Variants in MDGA2 observed in about 807,000 individuals in gnomAD.
MDGA2 encodes the protein MAM domain-containing glycosylphosphatidylinositol anchor protein 2.
Under a neutral mutation model 117.8 loss-of-function variants are expected in MDGA2, and 40 were observed. The observed-to-expected ratio is 0.34, with a 90% confidence interval of 0.26 to 0.44. The LOEUF (loss-of-function observed/expected upper bound fraction) is 0.44. Among genes scored for constraint, MDGA2 ranks in the 20% least tolerant of loss-of-function variants. The pLI, the probability that MDGA2 is intolerant of heterozygous loss-of-function variation, is 1.00. For missense variants in MDGA2, 1,123 were observed against 1,250.6 expected, an observed-to-expected ratio of 0.90 and a Z score of 1.54; for synonymous variants, 452 against 439.0, an observed-to-expected ratio of 1.03 and a Z score of -0.37.
chr14:47,222,741 C>T lies in MDGA2; in HGVS notation c.421-4546G>A, dbSNP rs951289294. ...AAAAATTAGAGGTAGGACAGGCATG[C>T]TATTGAAACTTAGTTCAATACAGCT... On this transcript the variant is annotated intron_variant, in intron 2 of 16. Coordinates refer to ENST00000399232, the MANE Select transcript of MDGA2 (RefSeq NM_001113498.3). Among the ~76,000 whole-genome samples, 6 of 152,182 alleles carry T rather than the reference C, an allele frequency of 3.9e-5. No individual in the cohort carries two copies. The South Asian group carries it at 1.2e-3, about 32-fold the overall frequency.
intron 8 of MDGA2, among the ~76,000 whole-genome samples, chr14:47,018,764 T>TAAAAAAAAAA (rs1888177801): frequency 1.3e-4 from 6 of 47,498 alleles, no homozygotes; most frequent in Non-Finnish European, 2.1e-4. Flanking sequence ...AAAAAAAAAG[T>TAAAAAAAAAA]CTCCATTGAG....
At chr14:47,102,388 C>CAA (rs1880383025) in intron 5 of MDGA2, among the ~76,000 whole-genome samples, 2 of 142,092 alleles carry the variant, frequency 1.4e-5, no homozygotes, top group Non-Finnish European at 3.0e-5. Context: ...CACACACACA[C>CAA]ACACAAACAC....
intron 1 of MDGA2, among the ~76,000 whole-genome samples, chr14:47,442,859 G>C (rs2000028): frequency 6.6e-6 from 1 of 151,888 alleles, no homozygotes; most frequent in African/African-American, 2.4e-5. Flanking sequence ...ATGCTGTTTT[G>C]AGTAGCATGA....
chr14:47,057,716 C>T (rs1192552522), intron 7 of MDGA2, among the ~76,000 whole-genome samples: 1 of 150,250 alleles, frequency 6.7e-6, no homozygotes, highest in Non-Finnish European at 1.5e-5. Flanking sequence ...CCTTACCTTG[C>T]CCTGCCCTAC....
At chr14:47,257,248 T>G (rs1471099593) in intron 2 of MDGA2, among the ~76,000 whole-genome samples, 1 of 152,140 alleles carries the variant, frequency 6.6e-6, no homozygotes, top group Non-Finnish European at 1.5e-5. Flanking sequence ...TACACTCTCA[T>G]AGCCCACACC....
chr14:47,404,955 AATG>A (rs1314465785), intron 1 of MDGA2, among the ~76,000 whole-genome samples: 1 of 152,212 alleles, frequency 6.6e-6, no homozygotes, highest in Non-Finnish European at 1.5e-5. Flanking sequence ...CCATGAAAAC[AATG>A]ATGAAAAACT....
chr14:47,666,329 C>T (rs995211216), intron 1 of MDGA2, among the ~76,000 whole-genome samples: 12 of 145,008 alleles, frequency 8.3e-5, no homozygotes, highest in South Asian at 4.2e-4. Flanking sequence ...CACCAATCTG[C>T]GCTCTGTGTC....
At chr14:47,458,004 C>CTT (rs1893396234) in intron 1 of MDGA2, among the ~76,000 whole-genome samples, 1 of 97,250 alleles carries the variant, frequency 1.0e-5, no homozygotes. Flanking sequence ...ATGTCTTCCC[C>CTT]ATATTTTTTT....
chr14:47,039,881 A>G (rs1888999167), intron 7 of MDGA2, among the ~76,000 whole-genome samples: 1 of 151,846 alleles, frequency 6.6e-6, no homozygotes, highest in Non-Finnish European at 1.5e-5. Context: ...TTATATATTA[A>G]ATAACTACAT....
At chr14:46,966,512 G>C (rs907399684) in intron 8 of MDGA2, among the ~76,000 whole-genome samples, 4 of 152,124 alleles carry the variant, frequency 2.6e-5, no homozygotes, top group Non-Finnish European at 5.9e-5. Flanking sequence ...AAGCATCAAA[G>C]TATTACAACA....
intron 1 of MDGA2, among the ~76,000 whole-genome samples, chr14:47,531,558 A>T (rs1164787794): frequency 6.6e-6 from 1 of 152,224 alleles, no homozygotes; most frequent in Non-Finnish European, 1.5e-5. Flanking sequence ...AACCTTGGAT[A>T]ATAATAACAT....
intron 1 of MDGA2, among the ~76,000 whole-genome samples, chr14:47,409,827 G>A (rs1322520461): frequency 5.3e-5 from 8 of 152,114 alleles, no homozygotes; most frequent in Non-Finnish European, 8.8e-5. Flanking sequence ...TTTAATTTAC[G>A]TCCCCCGCTT....
rs530618996 is a variant in MDGA2 at position 46,924,615 on chromosome 14, C to A, written c.2090-4455G>T. Among the ~76,000 whole-genome samples, 256 of 151,970 alleles carry A rather than the reference C, an allele frequency of 1.7e-3. 1 individual carries two copies. Among genetic ancestry groups the A allele is most frequent in the African/African-American group, 5.8e-3 (240 of 41,492 alleles). On this transcript the variant is annotated intron_variant, in intron 9 of 16. Coordinates refer to ENST00000399232, the MANE Select transcript of MDGA2 (RefSeq NM_001113498.3). ...ATACATAGCTAATACATATTGCTTT[C>A]CTACGAGGTGCTGAGAAAATCTAGA... is the stretch of plus-strand genomic sequence containing the variant.
At chr14:47,066,199 TG>T (rs1890073165) in intron 6 of MDGA2, among the ~76,000 whole-genome samples, 1 of 152,122 alleles carries the variant, frequency 6.6e-6, no homozygotes, top group Admixed American at 6.6e-5. Flanking sequence ...GGGGTTGGAG[TG>T]GGTACACCTT....
At chr14:47,156,913 T>G (rs2139256113) in intron 3 of MDGA2, among the ~76,000 whole-genome samples, 1 of 152,334 alleles carries the variant, frequency 6.6e-6, no homozygotes, top group East Asian at 1.9e-4. Context: ...ATGAATGCAC[T>G]ATATGAGTGA....
intron 1 of MDGA2, among the ~76,000 whole-genome samples, chr14:47,495,581 T>C (rs1406892007): frequency 6.6e-6 from 1 of 152,206 alleles, no homozygotes; most frequent in Non-Finnish European, 1.5e-5. Context: ...ATTTGCCATC[T>C]TCATGGTTTT....
intron 3 of MDGA2, among the ~76,000 whole-genome samples, chr14:47,167,991 C>A (rs1294739662): frequency 1.3e-5 from 2 of 152,156 alleles, no homozygotes; most frequent in East Asian, 3.9e-4. Context: ...TGGCCATAGA[C>A]ACATTGTTTA....
chr14:46,959,068 A>G (rs1399390999), intron 8 of MDGA2, among the ~76,000 whole-genome samples: 2 of 152,178 alleles, frequency 1.3e-5, no homozygotes, highest in Non-Finnish European at 2.9e-5. Context: ...CCTCTAAAAA[A>G]AGTTAAAAGT....
intron 3 of MDGA2, among the ~76,000 whole-genome samples, chr14:47,190,916 C>T (rs972601731): frequency 2.6e-5 from 4 of 152,112 alleles, no homozygotes; most frequent in African/African-American, 9.7e-5. Context: ...TTTGAAACAA[C>T]ATAGTTAGAG....
Sources: allele counts gnomAD v4.1 joint callset (sites outside exome capture counted in the v4.1 genomes callset), GRCh38; gene constraint gnomAD v4.1.1; transcripts MANE v1.5; gene names NCBI Gene and HGNC (gene_info 2026-07-23, HGNC 2026-07-21).